Variants in RAB33B observed in about 807,000 individuals in gnomAD.
RAB33B encodes ras-related protein Rab-33B.
In RAB33B, 6 loss-of-function variants were observed where a neutral mutation model predicts 15.0. That is an observed-to-expected ratio of 0.40 (90% CI 0.22 to 0.79). RAB33B has a LOEUF of 0.79. RAB33B is among the 30% of genes least tolerant of loss of function. The probability of loss-of-function intolerance (pLI) is 0.37; values close to 1 mark genes in which losing one functional copy is unlikely to be tolerated. For missense variants in RAB33B, 257 were observed against 296.4 expected, an observed-to-expected ratio of 0.87 and a Z score of 0.98; for synonymous variants, 117 against 108.3, an observed-to-expected ratio of 1.08 and a Z score of -0.50.
At chr4:139,472,064 A>G (rs1750403030) in intron 1 of RAB33B, among the ~76,000 whole-genome samples, 1 of 152,180 alleles carries the variant, frequency 6.6e-6, no homozygotes, top group African/African-American at 2.4e-5. Context: ...TGATTTCTGT[A>G]TCTGATCTTA....
At chr4:139,439,846 C>T in the RAB33B span, among the ~76,000 whole-genome samples, 3 of 152,052 alleles carry the variant, frequency 2.0e-5, no homozygotes, top group African/African-American at 7.2e-5. Context: ...AGTTATTGTA[C>T]TTTTTAGCTC....
chr4:139,439,604 A>T, the RAB33B span, among the ~76,000 whole-genome samples: 1 of 152,126 alleles, frequency 6.6e-6, no homozygotes, highest in Non-Finnish European at 1.5e-5. Context: ...CATTTCTTCA[A>T]ATATTCTCAC....
At chr4:139,456,547 G>A (rs1325772793) in intron 1 of RAB33B, among the ~76,000 whole-genome samples, 2 of 152,222 alleles carry the variant, frequency 1.3e-5, no homozygotes, top group East Asian at 3.8e-4. Flanking sequence ...ACGAATCTGG[G>A]AGCACAGAGT....
rs919866334 is a variant in RAB33B, at chr4:139,474,860, A to G, written c.*1734A>G. The G allele has an allele frequency of 1.3e-5, 2 of 152,598 alleles. No individual in the cohort carries two copies. Among genetic ancestry groups the G allele is most frequent in the Non-Finnish European group, 2.9e-5 (2 of 67,988 alleles). The allele number at this position is 152,598 out of a possible 1,614,324, so 9.5% of individuals were successfully genotyped here. On this transcript the variant is annotated 3_prime_UTR_variant, in exon 2 of 2. Coordinates refer to ENST00000305626, the MANE Select transcript of RAB33B (RefSeq NM_031296.3). ...AGATTGCTGTCCTTAATAATTTTGG[A>G]GGAAATTAAGCCAAATGATTATTGT...
intron 1 of RAB33B, among the ~76,000 whole-genome samples, chr4:139,463,470 A>G (rs996573069): frequency 6.6e-6 from 1 of 152,244 alleles, no homozygotes; most frequent in Non-Finnish European, 1.5e-5. Flanking sequence ...AATGTTTAAA[A>G]TGGCAATAAG....
At chr4:139,448,059 T>A in the RAB33B span, among the ~76,000 whole-genome samples, 34 of 152,314 alleles carry the variant, frequency 2.2e-4, 1 homozygote, top group South Asian at 5.8e-3. Context: ...ATCAGTCTAC[T>A]ATTCCACAAC....
intron 1 of RAB33B, among the ~76,000 whole-genome samples, chr4:139,465,525 C>G (rs2111079963): frequency 6.6e-6 from 1 of 152,196 alleles, no homozygotes; most frequent in East Asian, 1.9e-4. Flanking sequence ...GGTTTTAGGT[C>G]TAACATTTAA....
chr4:139,460,554 C>T (rs540672910), intron 1 of RAB33B, among the ~76,000 whole-genome samples: 1 of 152,226 alleles, frequency 6.6e-6, no homozygotes, highest in South Asian at 2.1e-4. Flanking sequence ...TATGAAGTCA[C>T]CTTATACCCT....
intron 1 of RAB33B, among the ~76,000 whole-genome samples, chr4:139,471,674 A>G (rs1474453237): frequency 1.3e-5 from 2 of 152,074 alleles, no homozygotes; most frequent in Non-Finnish European, 2.9e-5. Context: ...CCTGGGTTCA[A>G]GTGACCCTGA....
At chr4:139,460,215 C>A (rs1214610576) in intron 1 of RAB33B, among the ~76,000 whole-genome samples, 1 of 152,122 alleles carries the variant, frequency 6.6e-6, no homozygotes, top group Non-Finnish European at 1.5e-5. Context: ...TTTGGACAGG[C>A]TCTGTAACAT....
At chr4:139,440,908 A>C in the RAB33B span, among the ~76,000 whole-genome samples, 1 of 151,778 alleles carries the variant, frequency 6.6e-6, no homozygotes, top group Non-Finnish European at 1.5e-5. Flanking sequence ...ACTGCACCCC[A>C]CCTCTCTTTT....
chr4:139,458,546 A>G (rs1404344162), intron 1 of RAB33B, among the ~76,000 whole-genome samples: 1 of 152,234 alleles, frequency 6.6e-6, no homozygotes, highest in Non-Finnish European at 1.5e-5. Flanking sequence ...TAGTTTGCTT[A>G]GGATAATAGC....
chr4:139,471,408 G>A (rs1340959264), intron 1 of RAB33B, among the ~76,000 whole-genome samples: 2 of 152,142 alleles, frequency 1.3e-5, no homozygotes, highest in Non-Finnish European at 2.9e-5. Context: ...CGGGGTGCAG[G>A]GGGTGGGTGT....
chr4:139,464,634 C>A (rs997611906), intron 1 of RAB33B, among the ~76,000 whole-genome samples: 1 of 151,960 alleles, frequency 6.6e-6, no homozygotes, highest in Admixed American at 6.6e-5. Flanking sequence ...TGAGAACATG[C>A]GGTGTTTGGT....
At chr4:139,448,331 G>A (rs969977210), upstream of RAB33B, 26 of 152,352 alleles carry the variant, frequency 1.7e-4, no homozygotes, top group African/African-American at 5.3e-4. Flanking sequence ...ACAACCAAGT[G>A]AACAGTTGCA....
At chr4:139,470,480 A>G (rs1026063608) in intron 1 of RAB33B, among the ~76,000 whole-genome samples, 22 of 151,920 alleles carry the variant, frequency 1.4e-4, no homozygotes, top group African/African-American at 4.8e-4. Context: ...GGCAGGTCCA[A>G]AAATGCTGTC....
intron 1 of RAB33B, among the ~76,000 whole-genome samples, chr4:139,457,665 T>G (rs1025562276): frequency 3.3e-5 from 5 of 152,192 alleles, no homozygotes; most frequent in African/African-American, 1.2e-4. Flanking sequence ...CACAGAGAAT[T>G]ATGATACGGC....
intron 1 of RAB33B, among the ~76,000 whole-genome samples, chr4:139,465,722 C>CTTTTTTTTTTT (rs375295002): frequency 7.5e-6 from 1 of 133,234 alleles, no homozygotes. Flanking sequence ...TCTTCTTCTT[C>CTTTTTTTTTTT]TTTTTTTTTT....
At chr4:139,463,048 C>T (rs965023703) in intron 1 of RAB33B, among the ~76,000 whole-genome samples, 3 of 152,108 alleles carry the variant, frequency 2.0e-5, no homozygotes, top group South Asian at 2.1e-4. Flanking sequence ...CTCCTGTAGT[C>T]GCAGCTACTC....
Sources: gnomAD v4.1 joint callset for allele counts (sites outside exome capture counted in the v4.1 genomes callset) on GRCh38, gnomAD v4.1.1 for gene constraint, MANE v1.5 for transcripts, NCBI Gene and HGNC (gene_info 2026-07-23, HGNC 2026-07-21) for gene names.